PBX4: variants seen among roughly 807,000 people sequenced by gnomAD.
PBX4 encodes the protein pre-B-cell leukemia transcription factor 4.
PBX4 carries 26 observed loss-of-function variants against 35.1 expected under a neutral mutation model. The observed-to-expected ratio is 0.74, with a 90% CI of 0.54 to 1.03. The LOEUF (loss-of-function observed/expected upper bound fraction) is 1.03. PBX4 is among the 50% of genes least tolerant of loss of function. The probability of loss-of-function intolerance (pLI) is 0.00; values close to 1 mark genes in which losing one functional copy is unlikely to be tolerated. For missense variants in PBX4, 448 were observed against 504.3 expected, an observed-to-expected ratio of 0.89 and a Z score of 1.07; for synonymous variants, 199 against 204.2, an observed-to-expected ratio of 0.97 and a Z score of 0.22.
chr19:19,597,555 A>C (rs1416821047), intron 2 of PBX4, among the ~76,000 whole-genome samples: 1 of 152,214 alleles, frequency 6.6e-6, no homozygotes, highest in Non-Finnish European at 1.5e-5. Context: ...TATGTCAAGT[A>C]CACATCAATC....
At chr19:19,613,817 G>C (rs2061675279) in intron 1 of PBX4, among the ~76,000 whole-genome samples, 1 of 152,152 alleles carries the variant, frequency 6.6e-6, no homozygotes, top group Non-Finnish European at 1.5e-5. Context: ...GGAACACAAA[G>C]TATAATAAAG....
intron 2 of PBX4, among the ~76,000 whole-genome samples, chr19:19,581,939 A>G (rs780324453): frequency 3.9e-5 from 6 of 152,160 alleles, no homozygotes; most frequent in African/African-American, 1.4e-4. Flanking sequence ...TGAGAGGCCT[A>G]TGGAGGAAGT....
chr19:19,593,200 C>A (rs1022047929), intron 2 of PBX4, among the ~76,000 whole-genome samples: 21 of 152,260 alleles, frequency 1.4e-4, no homozygotes, highest in African/African-American at 5.1e-4. Context: ...TAAGTGTGAG[C>A]CACCATGTCC....
At chr19:19,571,839 C>A (rs2061385257) in intron 2 of PBX4, among the ~76,000 whole-genome samples, 1 of 151,838 alleles carries the variant, frequency 6.6e-6, no homozygotes, top group Non-Finnish European at 1.5e-5. Flanking sequence ...TCGAGATCAG[C>A]CTGGCCAACA....
chr19:19,562,117 C>T lies in PBX4; in HGVS notation c.1033G>A (p.Ala345Thr). The part of the protein sequence containing the change: ...PPGGGCLQSQ[A>T]QGSWQGATPQ... The stretch of plus-strand genomic sequence containing the variant: ...GTGGCCCCCTGCCAGCTACCCTGGG[C>T]CTGAAACGACAGAGACTGAGCATCA... The change falls in exon 8 of 8, where the codon GCC becomes ACC. Residue 345 changes from alanine (A) to threonine (T), a missense_variant and splice_region_variant. Transcript: ENST00000251203. This position sits in a 1 kb window ranked among gnomAD's most constrained non-coding sequence, Gnocchi z 4.8. The T allele has an allele frequency of 6.2e-7, 1 of 1,607,720 alleles. No homozygotes were observed. Among genetic ancestry groups the T allele is most frequent in the Non-Finnish European group, 8.5e-7 (1 of 1,177,082 alleles).
chr19:19,567,222 C>T (rs762795449), intron 5 of PBX4, among the ~76,000 whole-genome samples: 3 of 152,192 alleles, frequency 2.0e-5, no homozygotes, highest in South Asian at 4.1e-4. Context: ...AAATGTCTCA[C>T]GCTTCTCCAG....
At chr19:19,610,520 G>A (rs1175577980) in intron 1 of PBX4, among the ~76,000 whole-genome samples, 1 of 152,030 alleles carries the variant, frequency 6.6e-6, no homozygotes, top group Non-Finnish European at 1.5e-5. Context: ...GGAATCCGAG[G>A]CGGGATAATC....
intron 2 of PBX4, among the ~76,000 whole-genome samples, chr19:19,584,310 T>C (rs1011825455): frequency 3.9e-5 from 6 of 152,152 alleles, no homozygotes; most frequent in African/African-American, 1.4e-4. Context: ...GGGCATGTCC[T>C]CAAGCCCCAC....
intron 4 of PBX4, 48 bp downstream of exon 4, chr19:19,570,061 G>A (rs993047359): frequency 6.6e-7 from 1 of 1,521,478 alleles, no homozygotes; most frequent in Non-Finnish European, 8.8e-7. Flanking sequence ...TTTCCCTCCA[G>A]TCCCTCAGAG....
intron 2 of PBX4, among the ~76,000 whole-genome samples, chr19:19,575,910 C>T (rs1363389599): frequency 2.0e-5 from 3 of 152,144 alleles, no homozygotes; most frequent in Non-Finnish European, 4.4e-5. Flanking sequence ...CACACAGGAC[C>T]CCAGCATGCT....
intron 2 of PBX4, among the ~76,000 whole-genome samples, chr19:19,571,958 G>C (rs1168959423): frequency 2.0e-5 from 3 of 148,692 alleles, no homozygotes; most frequent in Admixed American, 6.7e-5. Context: ...ACTTGAACCT[G>C]GGAGGCAGAG....
chr19:19,604,656 A>C (rs1724741460), intron 1 of PBX4, among the ~76,000 whole-genome samples: 1 of 151,752 alleles, frequency 6.6e-6, no homozygotes, highest in South Asian at 2.1e-4. Flanking sequence ...GCTGGAGTGC[A>C]GTAGCGCGAT....
intron 1 of PBX4, among the ~76,000 whole-genome samples, chr19:19,610,185 G>A (rs1160363796): frequency 1.1e-4 from 17 of 152,160 alleles, no homozygotes; most frequent in African/African-American, 4.1e-4. Context: ...AGGCTGAGAC[G>A]GGCGGATCAC....
intron 1 of PBX4, 81 bp from the exon 2 acceptor site, chr19:19,599,446 A>T (rs2061583012): frequency 1.6e-6 from 2 of 1,284,696 alleles, no homozygotes; most frequent in Admixed American, 3.7e-5. Flanking sequence ...TTCCATACTG[A>T]GAAATCAAAC....
rs886287481 is a variant in PBX4, at chr19:19,598,298, T to C, written c.193+994A>G. On this transcript the variant is annotated intron_variant, in intron 2 of 7. Coordinates refer to ENST00000251203, the MANE Select transcript of PBX4 (RefSeq NM_025245.3). ...CAACTTTTCTTTTTCTTTTCTTTCCTTTTTTTTTTTTTTTTTGAGACGGAG... is the reference window on the plus strand; with the variant it reads ...CAACTTTTCTTTTTCTTTTCTTTCCCTTTTTTTTTTTTTTTTGAGACGGAG... Among the ~76,000 whole-genome samples, 385 of 44,134 alleles carry C rather than the reference T, an allele frequency of 8.7e-3. 2 individuals are homozygous for C. Among genetic ancestry groups the C allele is most frequent in the Non-Finnish European group, 0.014 (323 of 22,948 alleles). 29.0% of individuals were successfully genotyped at this position (44,134 alleles called of 152,430 possible).
chr19:19,575,800 C>T (rs142336135), intron 2 of PBX4, among the ~76,000 whole-genome samples: 7 of 152,314 alleles, frequency 4.6e-5, no homozygotes, highest in African/African-American at 9.6e-5. Context: ...AGATGTCCCA[C>T]GTGCCCCTGA....
At chr19:19,597,136 C>G (rs573839946) in intron 2 of PBX4, among the ~76,000 whole-genome samples, 2 of 152,218 alleles carry the variant, frequency 1.3e-5, no homozygotes, top group South Asian at 4.2e-4. Flanking sequence ...TTGCTTGAAC[C>G]TGGAAGGCGG....
intron 1 of PBX4, 111 bp downstream of exon 1, chr19:19,618,400 C>T: frequency 9.6e-7 from 1 of 1,037,260 alleles, no homozygotes. Flanking sequence ...GACCCCCCTC[C>T]AGCCCTCCTC....
At chr19:19,572,070 CTTTTT>C (rs1249792389) in intron 2 of PBX4, among the ~76,000 whole-genome samples, 1 of 69,108 alleles carries the variant, frequency 1.4e-5, no homozygotes, top group Admixed American at 2.3e-4. Flanking sequence ...TAGAATCAGG[CTTTTT>C]TTTTTTTTTT....
Sources: allele counts gnomAD v4.1 joint callset (sites outside exome capture counted in the v4.1 genomes callset), GRCh38; gene constraint gnomAD v4.1.1; non-coding constraint Gnocchi (gnomAD v3.1); transcripts MANE v1.5; gene names NCBI Gene and HGNC (gene_info 2026-07-23, HGNC 2026-07-21).